The following SHC2 variants were observed in gnomAD, a reference collection of about 807,000 sequenced individuals.
The protein encoded by SHC2 is SHC-transforming protein 2.
Under a neutral mutation model 60.6 loss-of-function variants are expected in SHC2, and 62 were observed. The observed-to-expected ratio is 1.02, with a 90% CI of 0.83 to 1.26. SHC2 has a LOEUF of 1.26. Ranked by LOEUF, SHC2 falls within the 50% of genes most tolerant of loss-of-function variation. The pLI is 0.00. For synonymous variants in SHC2, 375 were observed against 372.4 expected, an observed-to-expected ratio of 1.01 and a Z score of -0.08; for missense variants, 873 against 822.2, an observed-to-expected ratio of 1.06 and a Z score of -0.76.
At chr19:458,876 C>T (rs1037291886) in intron 1 of SHC2, among the ~76,000 whole-genome samples, 14 of 151,896 alleles carry the variant, frequency 9.2e-5, no homozygotes, top group African/African-American at 3.1e-4. Flanking sequence ...GAGGCAGAAG[C>T]CGGTTGTACT....
chr19:421,155 T>G (rs1974259330), intron 11 of SHC2, among the ~76,000 whole-genome samples: 1 of 151,314 alleles, frequency 6.6e-6, no homozygotes, highest in African/African-American at 2.4e-5. Context: ...TCCCAGCACT[T>G]TGGGAGGCCG....
intron 1 of SHC2, among the ~76,000 whole-genome samples, chr19:452,731 G>A (rs562084061): frequency 9.8e-5 from 15 of 152,290 alleles, no homozygotes; most frequent in African/African-American, 3.4e-4. Flanking sequence ...TCGGCAGGAC[G>A]GCCACACGCA....
chr19:450,420 G>C (rs1305405009), intron 1 of SHC2, among the ~76,000 whole-genome samples: 1 of 152,080 alleles, frequency 6.6e-6, no homozygotes, highest in Non-Finnish European at 1.5e-5. Flanking sequence ...GCGCATTCCC[G>C]TGGCTGTGCA....
At chr19:459,294 A>G (rs1290175975) in intron 1 of SHC2, among the ~76,000 whole-genome samples, 6 of 144,762 alleles carry the variant, frequency 4.1e-5, no homozygotes, top group Admixed American at 6.8e-5. Context: ...ACCCCACTGA[A>G]GCCAGCGTAG....
rs564205184 is a variant in SHC2, at chr19:445,177, G to A, written c.469-4245C>T. ...AATATCGATCTAGGGCTGAATATCT[G>A]TGCCCCCCTCAAAATCCCTCTGTGG... On this transcript the variant is annotated intron_variant, in intron 1 of 12. Transcript: ENST00000264554. This position sits in a 1 kb window ranked among gnomAD's most constrained non-coding sequence, Gnocchi z 4.4. Among the ~76,000 whole-genome samples, 1 of 152,284 alleles carries A rather than the reference G, an allele frequency of 6.6e-6. No homozygotes were observed. The highest frequency in any genetic ancestry group is 2.4e-5 in the African/African-American group (1 of 41,566).
rs1975025693 is a variant in SHC2 at position 445,288 on chromosome 19, T to A, written c.469-4356A>T. 6.6e-6 allele frequency among the ~76,000 whole-genome samples: 1 copy of A among 152,072 alleles called. No individual in the cohort carries two copies. Among genetic ancestry groups the A allele is most frequent in the African/African-American group, 2.4e-5 (1 of 41,386 alleles). On this transcript the variant is annotated intron_variant, in intron 1 of 12. Coordinates refer to ENST00000264554, the MANE Select transcript of SHC2 (RefSeq NM_012435.3). The surrounding 1 kb of genome is among the most constrained non-coding windows in gnomAD (Gnocchi z 4.4). ...GAGGGCTCCACCCTCAGGACTGGGA[T>A]CAGTGCCCTTATAAAAGAGACCCCA...
chr19:424,564 G>A lies in SHC2; in HGVS notation c.1309+533C>T, dbSNP rs577870952. ...CTCAGACTAAGGAGTCCCATGGGGC[G>A]AGGGTCTGGCTTCCCCTGTTGACTG... On this transcript the variant is annotated intron_variant, in intron 10 of 12. Transcript: ENST00000264554. The surrounding 1 kb of genome is among the most constrained non-coding windows in gnomAD (Gnocchi z 4.5). Among the ~76,000 whole-genome samples, 2 of 152,268 alleles carry A rather than the reference G, an allele frequency of 1.3e-5. No homozygotes were observed. Among genetic ancestry groups the A allele is most frequent in the South Asian group, 2.1e-4 (1 of 4,824 alleles).
Position 417,267 on chromosome 19 carries a change from T to C in SHC2, c.*61A>G. 1 of 153,510 alleles carries C rather than the reference T, an allele frequency of 6.5e-6. No individual in the cohort carries two copies. The highest frequency in any genetic ancestry group is 1.5e-5 in the Non-Finnish European group (1 of 68,952). The allele number at this position is 153,510 out of a possible 1,614,324, so 9.5% of individuals were successfully genotyped here. ...AGGAGGGCTGAGAGCCCCAAGGCCA[T>C]GACAGGCAGGAGCCGGGGCTGAGAA... On this transcript the variant is annotated 3_prime_UTR_variant, in exon 13 of 13. Coordinates refer to ENST00000264554, the MANE Select transcript of SHC2 (RefSeq NM_012435.3).
At chr19:442,515 A>G (rs1236658737) in intron 1 of SHC2, among the ~76,000 whole-genome samples, 18 of 54,116 alleles carry the variant, frequency 3.3e-4, no homozygotes, top group Middle Eastern at 0.016. Context: ...GGATGGATGG[A>G]TGGATGGGTG....
Position 445,997 on chromosome 19 carries a change from G to T in SHC2, c.469-5065C>A. On this transcript the variant is annotated intron_variant, in intron 1 of 12. Transcript: ENST00000264554. This position sits in a 1 kb window ranked among gnomAD's most constrained non-coding sequence, Gnocchi z 4.4. Reference sequence around the variant, plus strand: ...TTGAACCCAGGAGGCGGAGGCTGCAGAGAGCCAAGATCACGCCACTGCACT... The same window carrying T: ...TTGAACCCAGGAGGCGGAGGCTGCATAGAGCCAAGATCACGCCACTGCACT... 6.6e-6 allele frequency among the ~76,000 whole-genome samples: 1 copy of T among 152,042 alleles called. No homozygotes were observed. The highest frequency in any genetic ancestry group is 1.5e-5 in the Non-Finnish European group (1 of 68,018).
chr19:425,031 T>C lies in SHC2; in HGVS notation c.1309+66A>G. 7.6e-7 allele frequency: 1 copy of C among 1,313,112 alleles called. No individual in the cohort carries two copies. The allele number at this position is 1,313,112 out of a possible 1,614,324, so 81.3% of individuals were successfully genotyped here. ...AATCCCGTAGGGAGTGGGGGTGGGG[T>C]TGTGCCTCCCCCATCAGACAACACG... is the stretch of plus-strand genomic sequence containing the variant. On this transcript the variant is annotated intron_variant, in intron 10 of 12. Coordinates refer to ENST00000264554, the MANE Select transcript of SHC2 (RefSeq NM_012435.3). This position sits in a 1 kb window ranked among gnomAD's most constrained non-coding sequence, Gnocchi z 4.1.
intron 9 of SHC2, among the ~76,000 whole-genome samples, chr19:429,928 T>A (rs1974530329): frequency 6.9e-6 from 1 of 144,962 alleles, no homozygotes; most frequent in African/African-American, 2.6e-5. Context: ...GATGACACAG[T>A]ATCTACACCC....
chr19:452,098 C>T (rs556367533), intron 1 of SHC2, among the ~76,000 whole-genome samples: 1 of 152,316 alleles, frequency 6.6e-6, no homozygotes, highest in African/African-American at 2.4e-5. Context: ...CAGGCTGAAA[C>T]ATATTTTGAG....
At position 425,240 on chromosome 19, in the gene SHC2, T is replaced by C. The variant is rs751673375; in HGVS notation, c.1175-9A>G. The stretch of plus-strand genomic sequence containing the variant: ...GCCGTCCCCCGGTGGAGCTGGGGAG[T>C]GTAAAGAGGGGCAGGGGGTCAGCTG... On this transcript the variant is annotated splice_polypyrimidine_tract_variant and intron_variant, in intron 9 of 12. Coordinates refer to ENST00000264554, the MANE Select transcript of SHC2 (RefSeq NM_012435.3). This position sits in a 1 kb window ranked among gnomAD's most constrained non-coding sequence, Gnocchi z 4.1. 4 of 1,320,360 alleles carry C rather than the reference T, an allele frequency of 3.0e-6. No individual in the cohort carries two copies. The highest frequency in any genetic ancestry group is 5.5e-5 in the South Asian group (2 of 36,126). The allele number at this position is 1,320,360 out of a possible 1,614,324, so 81.8% of individuals were successfully genotyped here.
Position 434,311 on chromosome 19 carries a change from C to CATGA in SHC2, c.1110+397_1110+398insTCAT, listed in dbSNP as rs1281047186. On this transcript the variant is annotated intron_variant, in intron 8 of 12. Transcript: ENST00000264554. ...GAGTGAGATCATGAGTGAGTGAGATCGTGACTGAGATCATGAGTCTGTGAG... is the reference window on the plus strand; with the variant it reads ...GAGTGAGATCATGAGTGAGTGAGATCATGAGTGACTGAGATCATGAGTCTGTGAG... 3.7e-3 allele frequency among the ~76,000 whole-genome samples: 5 copies of CATGA among 1,362 alleles called. No individual in the cohort carries two copies. The East Asian group carries it at 0.083, about 23-fold the overall frequency. The allele number at this position is 1,362 out of a possible 152,430, so 0.9% of individuals were successfully genotyped here.
rs73916977 is a variant in SHC2 at position 425,290 on chromosome 19, G to A, written c.1175-59C>T. 0.15 allele frequency: 189,378 copies of A among 1,278,172 alleles called. 14,538 individuals are homozygous for A. Among genetic ancestry groups the A allele is most frequent in the Non-Finnish European group, 0.16 (157,771 of 1,002,872 alleles). 79.2% of individuals were successfully genotyped at this position (1,278,172 alleles called of 1,614,324 possible). On this transcript the variant is annotated intron_variant, in intron 9 of 12. Transcript: ENST00000264554. The surrounding 1 kb of genome is among the most constrained non-coding windows in gnomAD (Gnocchi z 4.1). ...GGGAGCCAGGCGAGGGGCTCGCAGGGAGCAAGGCGGGGTCCCACGAGGAGC... is the reference window on the plus strand; with the variant it reads ...GGGAGCCAGGCGAGGGGCTCGCAGGAAGCAAGGCGGGGTCCCACGAGGAGC...
At chr19:421,631 G>C (rs80123365) in intron 11 of SHC2, among the ~76,000 whole-genome samples, 2 of 152,112 alleles carry the variant, frequency 1.3e-5, no homozygotes, top group Non-Finnish European at 2.9e-5. Flanking sequence ...AATGGGGGGG[G>C]AGAGCATCTT....
Position 441,116 on chromosome 19 carries a change from G to A in SHC2, c.469-184C>T. 1 of 984,944 alleles carries A rather than the reference G, an allele frequency of 1.0e-6. No homozygotes were observed. The highest frequency in any genetic ancestry group is 1.2e-6 in the Non-Finnish European group (1 of 829,736). 61.0% of individuals were successfully genotyped at this position (984,944 alleles called of 1,614,324 possible). On this transcript the variant is annotated intron_variant, in intron 1 of 12. Coordinates refer to ENST00000264554, the MANE Select transcript of SHC2 (RefSeq NM_012435.3). The surrounding 1 kb of genome is among the most constrained non-coding windows in gnomAD (Gnocchi z 4.9). ...GCCCAGCCTTGACACTGTCCTGCGA[G>A]CCGCCCCCTCTGACTCCAGGCATGT...
intron 9 of SHC2, among the ~76,000 whole-genome samples, chr19:428,128 G>C (rs925239042): frequency 1.3e-5 from 2 of 152,216 alleles, no homozygotes; most frequent in African/African-American, 4.8e-5. Flanking sequence ...TGGAGTGTTA[G>C]GAGTGAGGAC....
Sources: allele counts gnomAD v4.1 joint callset (sites outside exome capture counted in the v4.1 genomes callset), GRCh38; gene constraint gnomAD v4.1.1; non-coding constraint Gnocchi (gnomAD v3.1); transcripts MANE v1.5; gene names NCBI Gene and HGNC (gene_info 2026-07-23, HGNC 2026-07-21).